Variants in PCID2 observed in about 807,000 individuals in gnomAD.
PCID2 encodes PCI domain containing 2.
Under a neutral mutation model 61.3 loss-of-function variants are expected in PCID2, and 41 were observed. That is an observed-to-expected ratio of 0.67 (90% confidence interval 0.52 to 0.87). The LOEUF is 0.87. PCID2 is among the 40% of genes least tolerant of loss of function. PCID2 has a pLI of 0.00. For synonymous variants in PCID2, 187 were observed against 177.8 expected, an observed-to-expected ratio of 1.05 and a Z score of -0.41; for missense variants, 392 against 493.4, an observed-to-expected ratio of 0.79 and a Z score of 1.95.
intron 1 of PCID2, among the ~76,000 whole-genome samples, chr13:113,202,372 C>T (rs2039495936): frequency 1.3e-5 from 2 of 152,222 alleles, no homozygotes; most frequent in African/African-American, 4.8e-5. Context: ...CATGCATTTA[C>T]ATTTTGAAAC....
chr13:113,191,758 T>A (rs1242885466), intron 6 of PCID2, among the ~76,000 whole-genome samples: 1 of 152,176 alleles, frequency 6.6e-6, no homozygotes, highest in Admixed American at 6.5e-5. Flanking sequence ...CAGCTCAAAC[T>A]ATATTCACAA....
rs1487300115 is a variant in PCID2 at position 113,180,140 on chromosome 13, A to G, written c.860+18T>C. The G allele has an allele frequency of 6.2e-7, 1 of 1,613,580 alleles. No homozygotes were observed. The highest frequency in any genetic ancestry group is 2.2e-5 in the East Asian group (1 of 44,852). ...TTGCATTTTTAAAACCCCAAACAGG[A>G]AGGATGGCATACTCTACCTCACAGC... On this transcript the variant is annotated intron_variant, in intron 11 of 13. Coordinates refer to ENST00000337344, the MANE Select transcript of PCID2 (RefSeq NM_001127202.4).
rs748083948 is a variant in PCID2 at position 113,195,088 on chromosome 13, G to A, written c.346C>T (p.Arg116Ter). Residue 116 changes from arginine (R) to a stop codon, truncating the protein, a stop_gained, in exon 6 of 14, where the codon CGA (arginine) becomes TGA (stop). Transcript: ENST00000337344. LOFTEE classifies it high-confidence loss of function. ...AAACTTACATTATTGGCAAACACTCGAAGGTCAAGCGCTACTGCATACATG... is the reference window on the plus strand; with the variant it reads ...AAACTTACATTATTGGCAAACACTCAAAGGTCAAGCGCTACTGCATACATG... Reference protein sequence around the residue: ...PVMYAVALDLRVFANNADQQL... With the variant: ...PVMYAVALDL 2.4e-5 allele frequency: 38 copies of A among 1,609,786 alleles called. No homozygotes were observed. Among genetic ancestry groups the A allele is most frequent in the Admixed American group, 6.7e-5 (4 of 60,000 alleles).
chr13:113,207,755 T>G (rs1666120162), intron 1 of PCID2, among the ~76,000 whole-genome samples: 1 of 152,158 alleles, frequency 6.6e-6, no homozygotes, highest in Admixed American at 6.5e-5. Context: ...GCCCAAAACT[T>G]TATTTCTCCC....
At chr13:113,182,069 T>C (rs1391867665) in intron 9 of PCID2, among the ~76,000 whole-genome samples, 1 of 152,206 alleles carries the variant, frequency 6.6e-6, no homozygotes, top group Non-Finnish European at 1.5e-5. Context: ...CCTGTTTATG[T>C]AAGTTCTTCC....
At position 113,179,735 on chromosome 13, in the gene PCID2, G is replaced by A. The variant is rs1467530340; in HGVS notation, c.986+182C>T. On this transcript the variant is annotated intron_variant, in intron 12 of 13. Transcript: ENST00000337344. This position sits in a 1 kb window ranked among gnomAD's most constrained non-coding sequence, Gnocchi z 4.3. ...TCCAGGCACAGCTTGTGCTACTCAC[G>A]TGTCTCGCGCAGGGTCCCCAGGAGG... Among the ~76,000 whole-genome samples the A allele has an allele frequency of 2.6e-5, 4 of 152,154 alleles. No homozygotes were observed. Among genetic ancestry groups the A allele is most frequent in the East Asian group, 1.9e-4 (1 of 5,186 alleles).
At chr13:113,202,007 C>T (rs1566982518) in intron 1 of PCID2, among the ~76,000 whole-genome samples, 1 of 152,178 alleles carries the variant, frequency 6.6e-6, no homozygotes, top group Non-Finnish European at 1.5e-5. Flanking sequence ...GATCCCTCTA[C>T]ACACCCACAA....
chr13:113,168,411 G>A, the PCID2 span, among the ~76,000 whole-genome samples: 1 of 152,220 alleles, frequency 6.6e-6, no homozygotes, highest in Non-Finnish European at 1.5e-5. Flanking sequence ...ATCTATGAAA[G>A]GCATTGCGTC....
chr13:113,184,563 C>A (rs899247130), intron 8 of PCID2, 76 bp from the exon 9 acceptor site: 2 of 810,766 alleles, frequency 2.5e-6, no homozygotes, highest in African/African-American at 3.5e-5. Flanking sequence ...CTAAGCATGT[C>A]TCCTTAAAAT....
At chr13:113,170,251 A>AG in the PCID2 span, among the ~76,000 whole-genome samples, 1,529 of 127,302 alleles carry the variant, frequency 0.012, 24 homozygotes, top group Middle Eastern at 0.045. Flanking sequence ...ACAATCCTGT[A>AG]CCATTTGAGT....
chr13:113,180,982 G>A (rs947166354), intron 10 of PCID2, 148 bp downstream of exon 10: 3 of 598,114 alleles, frequency 5.0e-6, no homozygotes, highest in African/African-American at 3.7e-5. Context: ...CACACACAAT[G>A]CATGCGCCTT....
In PCID2 at chr13:113,197,234, A is replaced by G. The variant is rs11540897; in HGVS notation, c.210T>C (p.Tyr70=). 3.6e-3 allele frequency: 5,763 copies of G among 1,611,238 alleles called. 142 individuals are homozygous for G. In the African/African-American group the frequency reaches 0.059, roughly 17 times the overall value. Residue 70 remains tyrosine, a synonymous_variant, in exon 4 of 14, where the codon TAT becomes TAC. Transcript: ENST00000337344. ...CTATGAAGTCATGATTCCCCACTGC[A>G]TAAGTGCACCTGGAGGAGAAACAGA... ...EMFAAHLRCT[Y]AVGNHDFIEA...
At chr13:113,182,384 G>T (rs543603162) in intron 9 of PCID2, among the ~76,000 whole-genome samples, 1 of 152,322 alleles carries the variant, frequency 6.6e-6, no homozygotes, top group African/African-American at 2.4e-5. Flanking sequence ...GATTCACTGA[G>T]AGTCTGCAAT....
At chr13:113,184,803 T>C (rs939478069) in intron 8 of PCID2, among the ~76,000 whole-genome samples, 4 of 149,926 alleles carry the variant, frequency 2.7e-5, no homozygotes, top group Admixed American at 6.6e-5. Flanking sequence ...CCTGTGCTAG[T>C]GGAGGCTCTG....
intron 9 of PCID2, among the ~76,000 whole-genome samples, chr13:113,183,285 C>T (rs1264609787): frequency 6.6e-6 from 1 of 151,958 alleles, no homozygotes; most frequent in Non-Finnish European, 1.5e-5. Context: ...ATGACTATGT[C>T]GCATCAATAT....
chr13:113,202,143 T>C (rs1247503132), intron 1 of PCID2, among the ~76,000 whole-genome samples: 1 of 152,180 alleles, frequency 6.6e-6, no homozygotes, highest in African/African-American at 2.4e-5. Flanking sequence ...GGTATTCTAC[T>C]AAAGCAAGCA....
At chr13:113,170,307 G>A in the PCID2 span, 2 of 682,840 alleles carry the variant, frequency 2.9e-6, no homozygotes, top group African/African-American at 1.8e-5. Flanking sequence ...GGCGGGGGGT[G>A]GGGGTGGGGG....
chr13:113,174,797 TA>T (rs1471505546), downstream of PCID2, among the ~76,000 whole-genome samples: 8 of 152,372 alleles, frequency 5.3e-5, no homozygotes, highest in Admixed American at 2.0e-4. Flanking sequence ...GATGATGTTT[TA>T]AAAGGGCCAA....
At chr13:113,173,503 G>A (rs1239838951), downstream of PCID2, among the ~76,000 whole-genome samples, 3 of 152,172 alleles carry the variant, frequency 2.0e-5, no homozygotes, top group African/African-American at 7.2e-5. Context: ...AAATGTAGGT[G>A]GACAAATATT....
Sources: gnomAD v4.1 joint callset for allele counts (sites outside exome capture counted in the v4.1 genomes callset) on GRCh38, gnomAD v4.1.1 for gene constraint, Gnocchi (gnomAD v3.1) non-coding constraint, MANE v1.5 for transcripts, NCBI Gene and HGNC (gene_info 2026-07-23, HGNC 2026-07-21) for gene names.